Variants in PCYOX1L observed in about 807,000 individuals in gnomAD.
PCYOX1L encodes prenylcysteine oxidase 1 like, also known as prenylcysteine oxidase 1-like.
Under a neutral mutation model 44.1 loss-of-function variants are expected in PCYOX1L, and 40 were observed. The ratio of observed to expected loss-of-function variants is 0.91; its 90% CI spans 0.70 to 1.18. The LOEUF is 1.18. PCYOX1L is among the 50% of genes most tolerant of loss of function. The pLI is 0.00. For missense variants in PCYOX1L, 605 were observed against 653.3 expected (o/e 0.93, Z 0.81); for synonymous variants, 266 against 282.8 (o/e 0.94, Z 0.60).
chr5:149,364,221 C>A lies in PCYOX1L; in HGVS notation c.470+11C>A. 6.2e-7 allele frequency: 1 copy of A among 1,613,432 alleles called. No individual in the cohort carries two copies. Among genetic ancestry groups the A allele is most frequent in the Non-Finnish European group, 8.5e-7 (1 of 1,179,782 alleles). On this transcript the variant is annotated intron_variant, in intron 3 of 5. Coordinates refer to ENST00000274569, the MANE Select transcript of PCYOX1L (RefSeq NM_024028.4). ...GGAGAAGTTCATGAGGTAGGGCTGG[C>A]AGAGCTGTGGGGATGGCGTTCCAGG...
At chr5:149,365,512 GA>G in intron 3 of PCYOX1L, 1 of 217,918 alleles carries the variant, frequency 4.6e-6, no homozygotes, top group Non-Finnish European at 9.3e-6. Context: ...GACTGGCAGA[GA>G]AGGTGACAGT....
At chr5:149,367,657 G>A (rs1236093545) in intron 5 of PCYOX1L, among the ~76,000 whole-genome samples, 157 bp downstream of exon 5, 1 of 152,200 alleles carries the variant, frequency 6.6e-6, no homozygotes, top group Non-Finnish European at 1.5e-5. Context: ...GACACTAGAG[G>A]GTGCTGTTTC....
Position 149,362,815 on chromosome 5 carries a change from G to T in PCYOX1L, c.267G>T (p.Leu89=). Residue 89 remains leucine (L), a synonymous_variant, in exon 2 of 6, where the codon CTG becomes CTT. Coordinates refer to ENST00000274569, the MANE Select transcript of PCYOX1L (RefSeq NM_024028.4). ...CTGCCTCCTTCCACTCCCTGAGCCT[G>T]CACATGCAGGACTTCGTCAAGCTGC... is the stretch of plus-strand genomic sequence containing the variant. ...SGAASFHSLS[L]HMQDFVKLLG... The T allele has an allele frequency of 6.2e-7, 1 of 1,614,074 alleles. No homozygotes were observed. The highest frequency in any genetic ancestry group is 8.5e-7 in the Non-Finnish European group (1 of 1,180,050).
intron 5 of PCYOX1L, 81 bp downstream of exon 5, chr5:149,367,581 C>T: frequency 6.4e-7 from 1 of 1,563,198 alleles, no homozygotes; most frequent in East Asian, 2.3e-5. Flanking sequence ...GTACCTCAGC[C>T]CTGGTCTGTG....
At chr5:149,360,681 G>T (rs528365932) in intron 1 of PCYOX1L, among the ~76,000 whole-genome samples, 2 of 152,302 alleles carry the variant, frequency 1.3e-5, no homozygotes, top group Admixed American at 1.3e-4. Context: ...ACATCTGAGG[G>T]CTGTTGAAGC....
chr5:149,358,088 T>A lies in PCYOX1L; in HGVS notation c.20T>A (p.Leu7Gln). 7.0e-7 allele frequency: 1 copy of A among 1,436,780 alleles called. No individual in the cohort carries two copies. Among genetic ancestry groups the A allele is most frequent in the Non-Finnish European group, 9.1e-7 (1 of 1,096,988 alleles). The allele number at this position is 1,436,780 out of a possible 1,614,324, so 89.0% of individuals were successfully genotyped here. The change falls in exon 1 of 6, where the codon CTG becomes CAG. Residue 7 changes from leucine to glutamine, a missense_variant. Transcript: ENST00000274569. ...CCCGCCATGGCCCGCGCAGCCCCGC[T>A]GCTCGCCGCGTTGACCGCGCTCCTC... Reference protein sequence around the residue: MARAAPLLAALTALLAA... With the variant: MARAAPQLAALTALLAA...
intron 1 of PCYOX1L, among the ~76,000 whole-genome samples, chr5:149,359,858 G>A (rs540641897): frequency 1.3e-5 from 2 of 152,278 alleles, no homozygotes; most frequent in South Asian, 2.1e-4. Context: ...ACAAGAATGC[G>A]GATTCCTGTT....
rs2127613556 is a variant in PCYOX1L, at chr5:149,364,016, G to T, written c.296-20G>T. 6.2e-7 allele frequency: 1 copy of T among 1,612,552 alleles called. No individual in the cohort carries two copies. ...CCAAGTCTTGGAGGGGACCTGAGGG[G>T]CTCCTCTTTGTCTCTGCAGGGCTGA... On this transcript the variant is annotated intron_variant, in intron 2 of 5. Transcript: ENST00000274569.
At chr5:149,358,771 AAC>A (rs1185722569) in intron 1 of PCYOX1L, among the ~76,000 whole-genome samples, 1 of 152,182 alleles carries the variant, frequency 6.6e-6, no homozygotes, top group Non-Finnish European at 1.5e-5. Flanking sequence ...AACTTTTAAC[AAC>A]AGTCTTTTTG....
At chr5:149,367,830 T>A (rs353256) in intron 5 of PCYOX1L, among the ~76,000 whole-genome samples, 163 bp from the exon 6 acceptor site, 150,753 of 152,304 alleles carry the variant, frequency 0.99, 74,627 homozygotes, top group Middle Eastern at 1. Context: ...CCCTTGCTTC[T>A]TCTGCAGCCG....
chr5:149,358,231 G>C, intron 1 of PCYOX1L, 75 bp downstream of exon 1: 1 of 1,318,892 alleles, frequency 7.6e-7, no homozygotes, highest in Non-Finnish European at 9.7e-7. Flanking sequence ...TCAGCTAGGT[G>C]GGGTATAGGA....
Position 149,368,018 on chromosome 5 carries a change from G to T in PCYOX1L, c.849G>T (p.Ala283=), listed in dbSNP as rs757913252. The T allele has an allele frequency of 1.9e-6, 3 of 1,546,072 alleles. No individual in the cohort carries two copies. The highest frequency in any genetic ancestry group is 2.0e-5 in the Admixed American group (1 of 48,918). Residue 283 remains alanine, a synonymous_variant, in exon 6 of 6, where the codon GCG becomes GCT. Transcript: ENST00000274569. ...STEGKALYQV[A]YENEVGNSSD... ...AGGGGAAAGCCCTGTACCAGGTGGC[G>T]TATGAGAATGAGGTAGGCAACAGCT...
At chr5:149,362,553 G>A (rs937260685) in intron 1 of PCYOX1L, 84 bp from the exon 2 acceptor site, 20 of 1,420,002 alleles carry the variant, frequency 1.4e-5, no homozygotes, top group South Asian at 7.0e-5. Flanking sequence ...AACCACCAGC[G>A]CAGGAGGATA....
chr5:149,358,498 C>A (rs927810934), intron 1 of PCYOX1L, among the ~76,000 whole-genome samples: 1 of 152,194 alleles, frequency 6.6e-6, no homozygotes, highest in Non-Finnish European at 1.5e-5. Context: ...CGATGGCATT[C>A]ACAGAGGTTG....
intron 1 of PCYOX1L, 28 bp downstream of exon 1, chr5:149,358,184 A>T (rs1392458394): frequency 1.4e-6 from 2 of 1,422,388 alleles, no homozygotes; most frequent in Non-Finnish European, 9.2e-7. Context: ...TGGGGTTCCC[A>T]GCTGGGGAGG....
chr5:149,367,572 T>TA, intron 5 of PCYOX1L, 72 bp downstream of exon 5: 1 of 1,583,864 alleles, frequency 6.3e-7, no homozygotes, highest in Non-Finnish European at 8.5e-7. Context: ...GCCTCCTTTG[T>TA]ACCTCAGCCC....
intron 1 of PCYOX1L, among the ~76,000 whole-genome samples, chr5:149,359,040 T>A (rs1215726302): frequency 1.3e-5 from 2 of 152,100 alleles, no homozygotes; most frequent in African/African-American, 4.8e-5. Context: ...TTGACTAGAG[T>A]GTCATATGTG....
Position 149,364,053 on chromosome 5 carries a change from GAGGT to G in PCYOX1L, c.314_317del (p.Glu105GlyfsTer23). 6.2e-7 allele frequency: 1 copy of G among 1,614,014 alleles called. No homozygotes were observed. The highest frequency in any genetic ancestry group is 8.5e-7 in the Non-Finnish European group (1 of 1,179,930). On this transcript the variant is annotated frameshift_variant, in exon 3 of 6. Coordinates refer to ENST00000274569, the MANE Select transcript of PCYOX1L (RefSeq NM_024028.4). LOFTEE classifies it high-confidence loss of function. The stretch of plus-strand genomic sequence containing the variant: ...CTCTGCAGGGCTGAGGCACCGGCGC[GAGGT>G]GGTGGGCAGGAGCGCCATCTTCGGC...
chr5:149,360,960 AT>A (rs1194784221), intron 1 of PCYOX1L, among the ~76,000 whole-genome samples: 1 of 152,198 alleles, frequency 6.6e-6, no homozygotes, highest in Non-Finnish European at 1.5e-5. Context: ...ATTACACCAG[AT>A]TTATTTAATT....
Sources: gnomAD v4.1 joint callset for allele counts (sites outside exome capture counted in the v4.1 genomes callset) on GRCh38, gnomAD v4.1.1 for gene constraint, MANE v1.5 for transcripts, NCBI Gene and HGNC (gene_info 2026-07-23, HGNC 2026-07-21) for gene names.